The following ITGBL1 variants were observed in gnomAD, a reference collection of about 807,000 sequenced individuals.
ITGBL1 encodes the protein integrin beta-like protein 1.
Under a neutral mutation model 68.5 loss-of-function variants are expected in ITGBL1, and 51 were observed. The ratio of observed to expected loss-of-function variants is 0.74; its 90% CI spans 0.59 to 0.94. The LOEUF is 0.94. Ranked by LOEUF, ITGBL1 falls within the 40% of genes least tolerant of loss-of-function variation. The probability of loss-of-function intolerance (pLI) is 0.00; values close to 1 mark genes in which losing one functional copy is unlikely to be tolerated. For synonymous variants in ITGBL1, 209 were observed against 227.3 expected (o/e 0.92, Z 0.72); for missense variants, 649 against 647.4 (o/e 1.00, Z -0.03).
chr13:101,467,880 T>C (rs1475390406), intron 2 of ITGBL1, among the ~76,000 whole-genome samples: 2 of 143,826 alleles, frequency 1.4e-5, no homozygotes, highest in African/African-American at 4.9e-5. Context: ...GTAGGCTAAA[T>C]TTTTTTTTTT....
chr13:101,500,481 A>G (rs1374967184), intron 2 of ITGBL1, among the ~76,000 whole-genome samples: 2 of 152,226 alleles, frequency 1.3e-5, no homozygotes, highest in Non-Finnish European at 2.9e-5. Context: ...CTTTCTGAAT[A>G]TTAACCAACT....
At chr13:101,487,548 A>G (rs2048718494) in intron 2 of ITGBL1, among the ~76,000 whole-genome samples, 1 of 152,220 alleles carries the variant, frequency 6.6e-6, no homozygotes, top group African/African-American at 2.4e-5. Flanking sequence ...TACCTCAGGA[A>G]TATATAGAGT....
intron 9 of ITGBL1, chr13:101,714,108 G>GA (rs2034604046): frequency 4.8e-6 from 1 of 209,806 alleles, no homozygotes. Flanking sequence ...AATTTAGGAG[G>GA]AAAAAATCTA....
At chr13:101,706,719 C>T in intron 8 of ITGBL1, 37 bp from the exon 9 acceptor site, 1 of 1,593,450 alleles carries the variant, frequency 6.3e-7, no homozygotes, top group Admixed American at 1.7e-5. Flanking sequence ...TGGTTATTTC[C>T]TCATCCTCTC....
intron 2 of ITGBL1, among the ~76,000 whole-genome samples, chr13:101,525,841 G>C (rs923749765): frequency 5.9e-5 from 9 of 151,752 alleles, no homozygotes; most frequent in African/African-American, 1.9e-4. Context: ...AAATATATAT[G>C]CATATATACA....
At chr13:101,566,371 G>A (rs1259393359) in intron 2 of ITGBL1, among the ~76,000 whole-genome samples, 3 of 152,084 alleles carry the variant, frequency 2.0e-5, no homozygotes, top group Non-Finnish European at 2.9e-5. Context: ...ACCAAGTTGG[G>A]CAAGACTGAC....
intron 7 of ITGBL1, among the ~76,000 whole-genome samples, chr13:101,612,066 G>A (rs1488740762): frequency 6.6e-6 from 1 of 152,060 alleles, no homozygotes; most frequent in East Asian, 1.9e-4. Context: ...ATGAGATTTT[G>A]GTTCTCCATA....
At chr13:101,587,705 A>G (rs2050580564) in intron 6 of ITGBL1, among the ~76,000 whole-genome samples, 1 of 152,180 alleles carries the variant, frequency 6.6e-6, no homozygotes, top group South Asian at 2.1e-4. Context: ...GGAAAATGGA[A>G]TATTTTGATA....
At chr13:101,588,292 T>C (rs2050592070) in intron 6 of ITGBL1, among the ~76,000 whole-genome samples, 1 of 120,598 alleles carries the variant, frequency 8.3e-6, no homozygotes, top group African/African-American at 3.0e-5. Flanking sequence ...CACTGTATTC[T>C]TCCATTGTGT....
At chr13:101,679,286 C>T (rs1290097030) in intron 7 of ITGBL1, among the ~76,000 whole-genome samples, 1 of 152,152 alleles carries the variant, frequency 6.6e-6, no homozygotes, top group East Asian at 1.9e-4. Flanking sequence ...CGTTGATTGC[C>T]TGTGTGTGTC....
intron 7 of ITGBL1, among the ~76,000 whole-genome samples, chr13:101,632,914 A>G (rs1337715041): frequency 2.0e-5 from 3 of 152,192 alleles, no homozygotes; most frequent in Non-Finnish European, 4.4e-5. Context: ...ATGATTGTGA[A>G]TGGCAAAGCA....
At chr13:101,526,155 CT>C (rs66790287) in intron 2 of ITGBL1, among the ~76,000 whole-genome samples, 32 of 136,528 alleles carry the variant, frequency 2.3e-4, no homozygotes, top group Admixed American at 5.2e-4. Context: ...TCTTCTTCTT[CT>C]TTTTTTTTTT....
intron 7 of ITGBL1, among the ~76,000 whole-genome samples, chr13:101,621,882 A>G (rs960980981): frequency 1.4e-4 from 21 of 152,166 alleles, no homozygotes; most frequent in African/African-American, 5.1e-4. Flanking sequence ...TGGATCAGAC[A>G]AGGAAATAAG....
intron 2 of ITGBL1, among the ~76,000 whole-genome samples, chr13:101,560,461 T>TA (rs1326726965): frequency 6.6e-6 from 1 of 152,194 alleles, no homozygotes; most frequent in African/African-American, 2.4e-5. Flanking sequence ...AAATTTTTAA[T>TA]ACCTATCCTT....
intron 2 of ITGBL1, among the ~76,000 whole-genome samples, chr13:101,487,518 A>G (rs1257498210): frequency 6.6e-6 from 1 of 152,348 alleles, no homozygotes; most frequent in South Asian, 2.1e-4. Context: ...AATATAAATC[A>G]ATGTGATGTT....
intron 7 of ITGBL1, among the ~76,000 whole-genome samples, chr13:101,629,843 A>C (rs573906108): frequency 6.6e-6 from 1 of 152,140 alleles, no homozygotes; most frequent in African/African-American, 2.4e-5. Flanking sequence ...TATTTTTTGA[A>C]ATAGAGTCTT....
At chr13:101,517,423 A>AG (rs540399846) in intron 2 of ITGBL1, among the ~76,000 whole-genome samples, 153 of 152,316 alleles carry the variant, frequency 1.0e-3, no homozygotes, top group African/African-American at 3.5e-3. Flanking sequence ...ACGCTCATCT[A>AG]GGGGTGCTCT....
At chr13:101,504,428 A>G (rs1280618714) in intron 2 of ITGBL1, among the ~76,000 whole-genome samples, 2 of 152,306 alleles carry the variant, frequency 1.3e-5, no homozygotes, top group Non-Finnish European at 1.5e-5. Flanking sequence ...TAAGATGATA[A>G]TAAGAGTGCA....
chr13:101,597,817 G>T (rs546208849), intron 6 of ITGBL1, among the ~76,000 whole-genome samples: 8 of 152,178 alleles, frequency 5.3e-5, no homozygotes, highest in African/African-American at 1.9e-4. Context: ...CTCCCAAAGT[G>T]CTGGGATTAT....
Sources: allele counts gnomAD v4.1 joint callset (sites outside exome capture counted in the v4.1 genomes callset), GRCh38; gene constraint gnomAD v4.1.1; transcripts MANE v1.5; gene names NCBI Gene and HGNC (gene_info 2026-07-23, HGNC 2026-07-21).